Variants in SCAMP5 observed in about 807,000 individuals in gnomAD.
SCAMP5 encodes secretory carrier-associated membrane protein 5.
SCAMP5 carries 7 observed loss-of-function variants against 28.3 expected under a neutral mutation model. The ratio of observed to expected loss-of-function variants is 0.25; its 90% CI spans 0.14 to 0.46. SCAMP5 has a LOEUF of 0.46. Among genes scored for constraint, SCAMP5 ranks in the 20% least tolerant of loss-of-function variants. SCAMP5 has a pLI of 0.99. For missense variants in SCAMP5, 192 were observed against 312.5 expected, an observed-to-expected ratio of 0.61 and a Z score of 2.91; for synonymous variants, 117 against 116.4, an observed-to-expected ratio of 1.00 and a Z score of -0.03.
intron 1 of SCAMP5, among the ~76,000 whole-genome samples, chr15:75,001,869 CAAAAAAAAAA>C (rs769760180): frequency 0.01 from 407 of 40,486 alleles, 4 homozygotes; most frequent in African/African-American, 0.033. Flanking sequence ...GACTCGGTCT[CAAAAAAAAAA>C]AAAAAAAAAA....
chr15:75,011,975 T>A (rs186092928), intron 2 of SCAMP5, 129 bp downstream of exon 2: 1 of 667,130 alleles, frequency 1.5e-6, no homozygotes, highest in East Asian at 2.7e-5. Flanking sequence ...GTCCCCAAGC[T>A]TTCCCCACTC....
At chr15:75,002,064 C>A (rs1348223820) in intron 1 of SCAMP5, among the ~76,000 whole-genome samples, 1 of 151,856 alleles carries the variant, frequency 6.6e-6, no homozygotes, top group African/African-American at 2.4e-5. Flanking sequence ...TGTGATTGCA[C>A]CACCGCACTC....
chr15:75,006,713 T>A (rs1866005434), intron 1 of SCAMP5, among the ~76,000 whole-genome samples: 1 of 149,520 alleles, frequency 6.7e-6, no homozygotes, highest in African/African-American at 2.5e-5. Context: ...AGGCAGAGCT[T>A]GCAGTGAGCC....
intron 1 of SCAMP5, among the ~76,000 whole-genome samples, chr15:75,002,312 C>T (rs1187764857): frequency 6.6e-6 from 1 of 151,904 alleles, no homozygotes; most frequent in Non-Finnish European, 1.5e-5. Flanking sequence ...TCTTCACGGG[C>T]TTTGTCTATC....
At chr15:75,008,662 G>A (rs1037183018) in intron 1 of SCAMP5, among the ~76,000 whole-genome samples, 13 of 152,130 alleles carry the variant, frequency 8.5e-5, no homozygotes, top group Admixed American at 3.3e-4. Flanking sequence ...ATCATGCCTG[G>A]CTAATTTTTG....
At chr15:75,008,672 G>GT (rs2065783805) in intron 1 of SCAMP5, among the ~76,000 whole-genome samples, 1 of 151,848 alleles carries the variant, frequency 6.6e-6, no homozygotes, top group Non-Finnish European at 1.5e-5. Flanking sequence ...GCTAATTTTT[G>GT]TATTTTTTTG....
At chr15:75,008,113 T>G (rs186738765) in intron 1 of SCAMP5, among the ~76,000 whole-genome samples, 3 of 152,278 alleles carry the variant, frequency 2.0e-5, no homozygotes, top group Admixed American at 2.0e-4. Flanking sequence ...GTCTGTGAGA[T>G]TGTTATCAAT....
At chr15:75,007,165 C>T (rs1244337716) in intron 1 of SCAMP5, among the ~76,000 whole-genome samples, 2 of 152,100 alleles carry the variant, frequency 1.3e-5, no homozygotes, top group Non-Finnish European at 2.9e-5. Flanking sequence ...TTTTAAAATT[C>T]TGTGTTCATA....
chr15:75,018,267 G>C lies in SCAMP5; in HGVS notation c.396-151G>C, dbSNP rs1026315170. 3 of 672,796 alleles carry C rather than the reference G, an allele frequency of 4.5e-6. No homozygotes were observed. Among genetic ancestry groups the C allele is most frequent in the Non-Finnish European group, 8.1e-6 (3 of 370,118 alleles). The allele number at this position is 672,796 out of a possible 1,614,324, so 41.7% of individuals were successfully genotyped here. ...AGGGATGGGGTCTTCTTGAGCCACT[G>C]GCACAGGTTCTTTGGGTATCAGTAA... On this transcript the variant is annotated intron_variant, in intron 5 of 6. Transcript: ENST00000425597. The surrounding 1 kb of genome is among the most constrained non-coding windows in gnomAD (Gnocchi z 5.6).
chr15:75,016,999 C>A (rs1186777502), intron 4 of SCAMP5, among the ~76,000 whole-genome samples: 1 of 151,810 alleles, frequency 6.6e-6, no homozygotes, highest in Non-Finnish European at 1.5e-5. Flanking sequence ...ATAGACAGAC[C>A]AGGCCTATTT....
intron 4 of SCAMP5, 122 bp from the exon 5 acceptor site, chr15:75,017,748 A>C (rs561997714): frequency 4.1e-6 from 3 of 739,792 alleles, no homozygotes; most frequent in Non-Finnish European, 7.4e-6. Flanking sequence ...TGACCTCTCA[A>C]TTAAGGCCTT....
intron 1 of SCAMP5, among the ~76,000 whole-genome samples, chr15:75,003,079 C>T (rs1227139220): frequency 6.6e-6 from 1 of 152,100 alleles, no homozygotes; most frequent in African/African-American, 2.4e-5. Flanking sequence ...TACAGGCGCA[C>T]GCCGTCACAC....
At chr15:75,014,545 C>G (rs767734539) in intron 3 of SCAMP5, among the ~76,000 whole-genome samples, 2 of 152,240 alleles carry the variant, frequency 1.3e-5, no homozygotes, top group Non-Finnish European at 2.9e-5. Flanking sequence ...AATTTACAGT[C>G]TTCCTCATGG....
chr15:75,001,197 C>G (rs1180709096), intron 1 of SCAMP5, among the ~76,000 whole-genome samples: 2 of 146,528 alleles, frequency 1.4e-5, no homozygotes, highest in East Asian at 4.2e-4. Context: ...TGGCGTGAAC[C>G]CGGGAGGCGG....
intron 3 of SCAMP5, among the ~76,000 whole-genome samples, chr15:75,014,175 A>G (rs1249068319): frequency 6.6e-6 from 1 of 152,178 alleles, no homozygotes; most frequent in Non-Finnish European, 1.5e-5. Context: ...ATGTGCCGAC[A>G]AGGTGGTAAA....
At chr15:75,010,259 A>G (rs2065798922) in intron 1 of SCAMP5, among the ~76,000 whole-genome samples, 1 of 151,944 alleles carries the variant, frequency 6.6e-6, no homozygotes, top group Non-Finnish European at 1.5e-5. Context: ...CAGCGTCTCT[A>G]CCCTGTATGT....
chr15:75,006,041 G>A (rs113011258), intron 1 of SCAMP5, among the ~76,000 whole-genome samples: 6 of 104,838 alleles, frequency 5.7e-5, no homozygotes, highest in East Asian at 6.5e-4. Context: ...TCTGTCACCC[G>A]GGCTGGAGTA....
Position 75,012,770 on chromosome 15 carries a change from T to C in SCAMP5, c.101T>C (p.Val34Ala). 1.9e-6 allele frequency: 3 copies of C among 1,614,046 alleles called. No individual in the cohort carries two copies. Among genetic ancestry groups the C allele is most frequent in the Middle Eastern group, 1.6e-4 (1 of 6,062 alleles). ...DFEADIPPQH[V>A]SMTKRLYYLW... ...GAGGCAGATATTCCTCCCCAGCATG[T>C]CAGCATGACCAAGCGCCTCTACTAC... Residue 34 changes from valine (V) to alanine (A), a missense_variant, in exon 3 of 7, where the codon GTC becomes GCC. Transcript: ENST00000425597.
intron 1 of SCAMP5, among the ~76,000 whole-genome samples, chr15:75,009,191 C>T (rs80015407): frequency 6.6e-6 from 1 of 152,074 alleles, no homozygotes; most frequent in Non-Finnish European, 1.5e-5. Context: ...GTATGACTAC[C>T]ATTGGTTTAA....
Sources: allele counts gnomAD v4.1 joint callset (sites outside exome capture counted in the v4.1 genomes callset), GRCh38; gene constraint gnomAD v4.1.1; non-coding constraint Gnocchi (gnomAD v3.1); transcripts MANE v1.5; gene names NCBI Gene and HGNC (gene_info 2026-07-23, HGNC 2026-07-21).